GPC6: variants seen among roughly 807,000 people sequenced by gnomAD.
GPC6 encodes glypican-6.
GPC6 carries 14 observed loss-of-function variants against 55.2 expected under a neutral mutation model. The ratio of observed to expected loss-of-function variants is 0.25; its 90% CI spans 0.17 to 0.40. GPC6 has a LOEUF of 0.40. GPC6 is among the 10% of genes least tolerant of loss of function. The probability of loss-of-function intolerance (pLI) is 1.00; values close to 1 mark genes in which losing one functional copy is unlikely to be tolerated. For missense variants in GPC6, 641 were observed against 708.5 expected (o/e 0.90, Z 1.08); for synonymous variants, 278 against 259.6 (o/e 1.07, Z -0.68).
chr13:93,263,355 G>GT (rs1323436178), intron 1 of GPC6, among the ~76,000 whole-genome samples: 21 of 151,646 alleles, frequency 1.4e-4, no homozygotes, highest in African/African-American at 4.4e-4. Context: ...TTTGTTTTTT[G>GT]TTTTTTTGTT....
At chr13:93,363,790 G>C (rs1475548728) in intron 1 of GPC6, among the ~76,000 whole-genome samples, 1 of 151,496 alleles carries the variant, frequency 6.6e-6, no homozygotes, top group African/African-American at 2.4e-5. Context: ...ATCCTCTCCA[G>C]CACCTGTTGT....
At chr13:93,778,625 T>G (rs983772279) in intron 2 of GPC6, among the ~76,000 whole-genome samples, 1 of 152,188 alleles carries the variant, frequency 6.6e-6, no homozygotes, top group Non-Finnish European at 1.5e-5. Context: ...CTTTCACCAT[T>G]CTTGCACCTG....
chr13:93,467,714 T>C, intron 1 of GPC6, among the ~76,000 whole-genome samples: 1 of 151,658 alleles, frequency 6.6e-6, no homozygotes, highest in African/African-American at 2.4e-5. Context: ...CCTCCTAAGT[T>C]GTTGGGACCA....
chr13:93,300,037 C>G (rs1424641029), intron 1 of GPC6, among the ~76,000 whole-genome samples: 1 of 152,134 alleles, frequency 6.6e-6, no homozygotes, highest in African/African-American at 2.4e-5. Context: ...TCTTTACTCC[C>G]AATGAAATAA....
At chr13:93,623,429 A>T (rs1449891522) in intron 2 of GPC6, among the ~76,000 whole-genome samples, 1 of 124,358 alleles carries the variant, frequency 8.0e-6, no homozygotes, top group Non-Finnish European at 1.9e-5. Flanking sequence ...TTCCAGGACA[A>T]TGGTTGTTTT....
At chr13:93,688,517 C>G (rs1463362678) in intron 2 of GPC6, among the ~76,000 whole-genome samples, 1 of 152,012 alleles carries the variant, frequency 6.6e-6, no homozygotes, top group East Asian at 1.9e-4. Flanking sequence ...TCGAAACAAC[C>G]CAAGTTCCCA....
intron 2 of GPC6, among the ~76,000 whole-genome samples, chr13:93,568,803 G>C (rs1876262428): frequency 6.6e-6 from 1 of 152,162 alleles, no homozygotes; most frequent in African/African-American, 2.4e-5. Flanking sequence ...GATTTCATCA[G>C]TATTTCTAAA....
intron 5 of GPC6, among the ~76,000 whole-genome samples, chr13:94,298,382 G>A (rs758173153): frequency 6.6e-6 from 1 of 152,174 alleles, no homozygotes; most frequent in African/African-American, 2.4e-5. Flanking sequence ...CTAGCTCTGT[G>A]CTTAACCTAG....
chr13:94,249,180 C>T (rs1891280347), intron 4 of GPC6, among the ~76,000 whole-genome samples: 1 of 152,102 alleles, frequency 6.6e-6, no homozygotes, highest in South Asian at 2.1e-4. Flanking sequence ...ATAAAATGTT[C>T]CCTTAACCTC....
At position 94,314,661 on chromosome 13, in the gene GPC6, C is replaced by T. The variant is rs191949910; in HGVS notation, c.1152+8538C>T. On this transcript the variant is annotated intron_variant, in intron 6 of 8. Coordinates refer to ENST00000377047, the MANE Select transcript of GPC6 (RefSeq NM_005708.5). ...TATTGAATAGATTAAAGAACCTTTT[C>T]CTTGTCATGGAAAATCTGCGACAAT... 4.7e-3 allele frequency among the ~76,000 whole-genome samples: 717 copies of T among 152,310 alleles called. 7 individuals carry two copies. The highest frequency in any genetic ancestry group is 8.3e-3 in the Non-Finnish European group (567 of 68,022).
At chr13:94,340,533 C>T (rs1877980216) in intron 6 of GPC6, among the ~76,000 whole-genome samples, 3 of 152,176 alleles carry the variant, frequency 2.0e-5, no homozygotes. Flanking sequence ...TATAAAATTA[C>T]ATTCATCCTG....
At chr13:93,769,561 C>A (rs1885225433) in intron 2 of GPC6, among the ~76,000 whole-genome samples, 1 of 152,178 alleles carries the variant, frequency 6.6e-6, no homozygotes, top group Admixed American at 6.5e-5. Context: ...TCCTCTTGCA[C>A]TCCTCTTCTC....
intron 3 of GPC6, among the ~76,000 whole-genome samples, chr13:93,945,352 G>A (rs1878955558): frequency 6.6e-6 from 1 of 152,152 alleles, no homozygotes; most frequent in Admixed American, 6.5e-5. Context: ...TTCAGAGCTT[G>A]TGCCTGCAAG....
chr13:93,999,250 A>G (rs1474724500), intron 3 of GPC6, among the ~76,000 whole-genome samples: 1 of 152,028 alleles, frequency 6.6e-6, no homozygotes, highest in East Asian at 1.9e-4. Flanking sequence ...CTCTTTGTTA[A>G]ACTCCCATTT....
intron 3 of GPC6, among the ~76,000 whole-genome samples, chr13:93,987,865 A>G (rs1019327790): frequency 1.3e-5 from 2 of 152,184 alleles, no homozygotes; most frequent in African/African-American, 4.8e-5. Context: ...TCAGATCTCC[A>G]GGGTAGAATG....
At chr13:93,746,343 T>G (rs1248426250) in intron 2 of GPC6, among the ~76,000 whole-genome samples, 1 of 152,172 alleles carries the variant, frequency 6.6e-6, no homozygotes, top group Admixed American at 6.5e-5. Context: ...GAGCTTATTC[T>G]GGAAGCTTAT....
chr13:93,783,324 G>T (rs982019885), intron 2 of GPC6, among the ~76,000 whole-genome samples: 41 of 152,174 alleles, frequency 2.7e-4, no homozygotes, highest in African/African-American at 9.6e-4. Context: ...ATATTCCTTT[G>T]GGTATATACC....
At chr13:93,854,203 A>G (rs1594526132) in intron 3 of GPC6, among the ~76,000 whole-genome samples, 1 of 151,806 alleles carries the variant, frequency 6.6e-6, no homozygotes, top group East Asian at 1.9e-4. Flanking sequence ...GATGATATTC[A>G]GGTCTCTTTC....
chr13:93,865,383 A>C (rs757304442), intron 3 of GPC6, among the ~76,000 whole-genome samples: 2 of 151,752 alleles, frequency 1.3e-5, no homozygotes, highest in Admixed American at 1.3e-4. Flanking sequence ...CAGGCCCAAC[A>C]TGCCAATAAT....
Sources: allele counts gnomAD v4.1 joint callset (sites outside exome capture counted in the v4.1 genomes callset), GRCh38; gene constraint gnomAD v4.1.1; transcripts MANE v1.5; gene names NCBI Gene and HGNC (gene_info 2026-07-23, HGNC 2026-07-21).